ESR2: variants seen among roughly 807,000 people sequenced by gnomAD.
ESR2 encodes estrogen receptor 2, also known as estrogen receptor beta.
ESR2 carries 36 observed loss-of-function variants against 49.6 expected under a neutral mutation model. The observed-to-expected ratio is 0.73, with a 90% CI of 0.56 to 0.96. The LOEUF is 0.96. Among genes scored for constraint, ESR2 ranks in the 40% least tolerant of loss-of-function variants. The probability of loss-of-function intolerance (pLI) is 0.00; values close to 1 mark genes in which losing one functional copy is unlikely to be tolerated. For missense variants in ESR2, 714 were observed against 693.0 expected (o/e 1.03, Z -0.34); for synonymous variants, 320 against 266.1 (o/e 1.20, Z -1.97).
intron 1 of ESR2, among the ~76,000 whole-genome samples, chr14:64,308,980 AAAAAG>A (rs1328405905): frequency 4.6e-5 from 7 of 152,196 alleles, no homozygotes; most frequent in East Asian, 1.9e-4. Context: ...AAAGAAAATA[AAAAAG>A]AAAAGAGAAA....
chr14:64,284,859 T>C (rs1213772975), intron 1 of ESR2, among the ~76,000 whole-genome samples: 1 of 151,684 alleles, frequency 6.6e-6, no homozygotes, highest in East Asian at 1.9e-4. Flanking sequence ...ACTTTTTTTT[T>C]TTTTTTTTGA....
chr14:64,326,863 T>C (rs17101774), intron 1 of ESR2, among the ~76,000 whole-genome samples: 6,788 of 152,304 alleles, frequency 0.045, 319 homozygotes, highest in African/African-American at 0.12. Context: ...TCTCTTAATA[T>C]ATCAGAAAGG....
At position 64,282,921 on chromosome 14, in the gene ESR2, A is replaced by G. The variant is rs778833916; in HGVS notation, c.65T>C (p.Ile22Thr). The G allele has an allele frequency of 6.2e-7, 1 of 1,614,122 alleles. No individual in the cohort carries two copies. Among genetic ancestry groups the G allele is most frequent in the Non-Finnish European group, 8.5e-7 (1 of 1,179,964 alleles). ...TATGGAGCCGTGCTCCAGGGGTAAG[A>G]TGGATTGACTGCAGTTGTAGGAGGA... ...SPSSYNCSQS[I>T]LPLEHGSIYI... is the part of the protein sequence containing the mutation. The change falls in exon 2 of 9, where the codon ATC (isoleucine) becomes ACC (threonine). Residue 22 changes from isoleucine (I) to threonine (T), a missense_variant. Physicochemically the swap from Ile to Thr is moderately conservative, Grantham distance 89 (BLOSUM62 -1). Transcript: ENST00000341099.
At chr14:64,336,042 G>T (rs2077528242) in intron 1 of ESR2, 1 of 149,276 alleles carries the variant, frequency 6.7e-6, no homozygotes, top group African/African-American at 2.5e-5. Flanking sequence ...ATAGAGACGG[G>T]GTTTCGCCAT....
intron 7 of ESR2, among the ~76,000 whole-genome samples, chr14:64,242,449 A>AT (rs2075751874): frequency 1.4e-5 from 2 of 145,874 alleles, no homozygotes; most frequent in East Asian, 2.0e-4. Context: ...ACAAACAAAA[A>AT]AAATATATAT....
intron 1 of ESR2, among the ~76,000 whole-genome samples, chr14:64,333,429 T>C (rs1342844365): frequency 1.3e-5 from 2 of 152,316 alleles, no homozygotes; most frequent in Middle Eastern, 3.4e-3. Context: ...CTATTAAACA[T>C]TATTTTCTTT....
chr14:64,243,210 C>T (rs2075775400), intron 7 of ESR2, among the ~76,000 whole-genome samples: 1 of 152,148 alleles, frequency 6.6e-6, no homozygotes, highest in Non-Finnish European at 1.5e-5. Context: ...GTGGGGCCAC[C>T]AGTTGGTGGA....
intron 7 of ESR2, among the ~76,000 whole-genome samples, chr14:64,242,433 AAACAAACAAAC>A (rs1391696977): frequency 1.3e-4 from 12 of 94,222 alleles, no homozygotes; most frequent in African/African-American, 9.8e-4. Flanking sequence ...AAAACAAAAC[AAACAAACAAAC>A]AAAAAAAATA....
chr14:64,252,806 T>G (rs2076014752), intron 6 of ESR2, among the ~76,000 whole-genome samples: 1 of 152,146 alleles, frequency 6.6e-6, no homozygotes, highest in Non-Finnish European at 1.5e-5. Flanking sequence ...CAATTTCAGA[T>G]GAGATTTGCT....
At chr14:64,249,787 C>A in intron 6 of ESR2, 108 bp from the exon 7 acceptor site, 1 of 1,118,802 alleles carries the variant, frequency 8.9e-7, no homozygotes, top group Admixed American at 2.3e-5. Flanking sequence ...GTAACATGTT[C>A]ATCTGATAAT....
intron 2 of ESR2, 63 bp from the exon 3 acceptor site, chr14:64,280,216 A>G (rs1596450188): frequency 9.8e-7 from 1 of 1,019,574 alleles, no homozygotes; most frequent in East Asian, 2.7e-5. Context: ...GCTTTCTAGG[A>G]AAAAAAAATA....
In ESR2 at chr14:64,260,575, C is replaced by T; in HGVS notation, c.826G>A (p.Glu276Lys). The T allele has an allele frequency of 1.2e-6, 2 of 1,603,700 alleles. No homozygotes were observed. The highest frequency in any genetic ancestry group is 8.5e-7 in the Non-Finnish European group (1 of 1,174,140). ...CGGCTGATCAGCACATGGGGCGGCT[C>T]AGCCTCCAGGAGGGTGAGCACTAGC... ...EQLVLTLLEA[E>K]PPHVLISRPS... Residue 276 changes from glutamate to lysine, a missense_variant, in exon 5 of 9, where the codon GAG (glutamate) becomes AAG (lysine). Transcript: ENST00000341099.
chr14:64,250,815 C>G (rs907180901), intron 6 of ESR2, among the ~76,000 whole-genome samples: 1 of 152,206 alleles, frequency 6.6e-6, no homozygotes, highest in African/African-American at 2.4e-5. Context: ...TTCCCATTAC[C>G]TGCCGTACAT....
intron 1 of ESR2, among the ~76,000 whole-genome samples, chr14:64,322,821 A>G (rs562482553): frequency 5.3e-5 from 8 of 152,368 alleles, no homozygotes; most frequent in Non-Finnish European, 7.3e-5. Context: ...GTGGAAGGAT[A>G]TAAGTTGAAA....
chr14:64,302,989 G>A (rs2077044840), intron 1 of ESR2, among the ~76,000 whole-genome samples: 1 of 152,062 alleles, frequency 6.6e-6, no homozygotes, highest in Non-Finnish European at 1.5e-5. Flanking sequence ...TAGTAGAAAT[G>A]GGGTTTCACT....
intron 5 of ESR2, among the ~76,000 whole-genome samples, chr14:64,259,440 C>A (rs2076167799): frequency 1.3e-5 from 2 of 152,220 alleles, no homozygotes; most frequent in African/African-American, 4.8e-5. Context: ...GACTTCATTT[C>A]TTCAAGGACT....
intron 4 of ESR2, among the ~76,000 whole-genome samples, chr14:64,263,057 G>A (rs1211842013): frequency 6.6e-6 from 1 of 152,122 alleles, no homozygotes; most frequent in Non-Finnish European, 1.5e-5. Context: ...TAAGATGATA[G>A]AAATGAACCC....
At chr14:64,253,980 T>G (rs528285518) in intron 6 of ESR2, among the ~76,000 whole-genome samples, 21 of 152,280 alleles carry the variant, frequency 1.4e-4, no homozygotes, top group Admixed American at 1.2e-3. Context: ...TCTTTAGATC[T>G]TCACGTGAAT....
At chr14:64,242,438 AACAAAC>A (rs1308949773) in intron 7 of ESR2, among the ~76,000 whole-genome samples, 25 of 93,432 alleles carry the variant, frequency 2.7e-4, no homozygotes, top group African/African-American at 1.9e-3. Flanking sequence ...AAAACAAACA[AACAAAC>A]AAAAAAAATA....
Sources: allele counts gnomAD v4.1 joint callset (sites outside exome capture counted in the v4.1 genomes callset), GRCh38; gene constraint gnomAD v4.1.1; transcripts MANE v1.5; gene names NCBI Gene and HGNC (gene_info 2026-07-23, HGNC 2026-07-21).